Variants in PTPRM observed in about 807,000 individuals in gnomAD.
PTPRM encodes the protein receptor-type tyrosine-protein phosphatase mu.
PTPRM carries 47 observed loss-of-function variants against 186.7 expected under a neutral mutation model. That is an observed-to-expected ratio of 0.25 (90% CI 0.20 to 0.32). PTPRM has a LOEUF of 0.32. Ranked by LOEUF, PTPRM falls within the 10% of genes least tolerant of loss-of-function variation. The pLI is 1.00. For missense variants in PTPRM, 1,494 were observed against 1,865.0 expected, an observed-to-expected ratio of 0.80 and a Z score of 3.66; for synonymous variants, 668 against 674.9, an observed-to-expected ratio of 0.99 and a Z score of 0.16.
intron 1 of PTPRM, among the ~76,000 whole-genome samples, chr18:7,649,624 A>G (rs1209858542): frequency 4.6e-5 from 7 of 152,128 alleles, no homozygotes; most frequent in Admixed American, 4.6e-4. Flanking sequence ...CAGTGGAGAA[A>G]GTAACTACAG....
intron 11 of PTPRM, among the ~76,000 whole-genome samples, chr18:8,102,904 A>C (rs1392131022): frequency 2.0e-5 from 3 of 152,206 alleles, no homozygotes; most frequent in Non-Finnish European, 4.4e-5. Context: ...TCCTTGACCC[A>C]TGGGCTGCAA....
At chr18:8,042,014 T>A (rs1288833067) in intron 7 of PTPRM, among the ~76,000 whole-genome samples, 1 of 152,230 alleles carries the variant, frequency 6.6e-6, no homozygotes, top group Non-Finnish European at 1.5e-5. Flanking sequence ...ATAAAGTGAT[T>A]ACTGAATAGC....
chr18:7,800,666 CAT>C, intron 2 of PTPRM, among the ~76,000 whole-genome samples: 1 of 152,250 alleles, frequency 6.6e-6, no homozygotes, highest in East Asian at 1.9e-4. Flanking sequence ...GTCATATAGT[CAT>C]GTGTCTTTTA....
At chr18:7,736,489 C>CA (rs1176424533) in intron 1 of PTPRM, among the ~76,000 whole-genome samples, 1 of 152,048 alleles carries the variant, frequency 6.6e-6, no homozygotes. Context: ...CAAAACCTCT[C>CA]AGACACCGAG....
intron 7 of PTPRM, among the ~76,000 whole-genome samples, chr18:7,956,242 C>T (rs1178419093): frequency 2.0e-5 from 3 of 152,144 alleles, no homozygotes; most frequent in Non-Finnish European, 1.5e-5. Context: ...GTTAATTATT[C>T]AGATAGCATT....
At chr18:8,387,819 C>T (rs2095787656) in intron 31 of PTPRM, among the ~76,000 whole-genome samples, 1 of 152,166 alleles carries the variant, frequency 6.6e-6, no homozygotes, top group African/African-American at 2.4e-5. Flanking sequence ...CATTTGGTTA[C>T]AGCCAGTGTC....
chr18:7,972,867 C>G (rs796240615), intron 7 of PTPRM, among the ~76,000 whole-genome samples: 1 of 152,088 alleles, frequency 6.6e-6, no homozygotes, highest in Non-Finnish European at 1.5e-5. Flanking sequence ...TTCAACATCT[C>G]TATGTAAGCT....
intron 1 of PTPRM, among the ~76,000 whole-genome samples, chr18:7,754,267 T>C (rs1478599664): frequency 6.6e-6 from 1 of 152,242 alleles, no homozygotes; most frequent in African/African-American, 2.4e-5. Flanking sequence ...AGCATTCTGC[T>C]GGATCTTGTA....
chr18:7,907,660 A>G (rs1029882616), intron 4 of PTPRM, among the ~76,000 whole-genome samples: 1 of 152,202 alleles, frequency 6.6e-6, no homozygotes. Flanking sequence ...GTCACTAGGA[A>G]AGTGAGTTGT....
chr18:8,240,104 G>A (rs1481662593), intron 14 of PTPRM, among the ~76,000 whole-genome samples: 1 of 152,088 alleles, frequency 6.6e-6, no homozygotes, highest in Non-Finnish European at 1.5e-5. Context: ...CTTGAAAAAA[G>A]TAAGGTCTGA....
chr18:8,051,635 A>G (rs1455796723), intron 7 of PTPRM, among the ~76,000 whole-genome samples: 1 of 152,212 alleles, frequency 6.6e-6, no homozygotes, highest in Non-Finnish European at 1.5e-5. Flanking sequence ...TTAATTCAAT[A>G]TAATGTGTTT....
intron 29 of PTPRM, among the ~76,000 whole-genome samples, chr18:8,383,296 CAAAAAAAAAAAAAAAAAAAA>C (rs59442781): frequency 2.0e-4 from 6 of 30,432 alleles, no homozygotes; most frequent in African/African-American, 2.7e-4. Flanking sequence ...GCTTCTGCCT[CAAAAAAAAAAAAAAAAAAAA>C]AAAAAAAAAA....
chr18:8,059,101 C>A (rs1379147711), intron 7 of PTPRM, among the ~76,000 whole-genome samples: 1 of 150,556 alleles, frequency 6.6e-6, no homozygotes, highest in African/African-American at 2.5e-5. Flanking sequence ...GAATGTTCTT[C>A]CATTTGTTTG....
chr18:7,791,274 A>G (rs1358099558), intron 2 of PTPRM, among the ~76,000 whole-genome samples: 1 of 152,150 alleles, frequency 6.6e-6, no homozygotes, highest in African/African-American at 2.4e-5. Flanking sequence ...TCCAAAGAAA[A>G]GGAAACTCTT....
chr18:8,115,290 G>T (rs1476193189), intron 13 of PTPRM, among the ~76,000 whole-genome samples: 1 of 152,138 alleles, frequency 6.6e-6, no homozygotes, highest in Non-Finnish European at 1.5e-5. Context: ...GGTGGTGCGT[G>T]TCTCTCTGAA....
intron 2 of PTPRM, among the ~76,000 whole-genome samples, chr18:7,827,747 T>C (rs1253366047): frequency 1.3e-5 from 2 of 152,238 alleles, no homozygotes; most frequent in Non-Finnish European, 2.9e-5. Context: ...AGTGTTCTGA[T>C]TTCCCATGTG....
chr18:7,668,455 G>A lies in PTPRM; in HGVS notation c.73+100564G>A, dbSNP rs546307160. Among the ~76,000 whole-genome samples, 1 of 152,280 alleles carries A rather than the reference G, an allele frequency of 6.6e-6. No individual in the cohort carries two copies. Among genetic ancestry groups the A allele is most frequent in the African/African-American group, 2.4e-5 (1 of 41,556 alleles). ...CATTTTTGTTGGATATTCCCTGCTT[G>A]GCCCCTTGACTCCTAGAGAAGAATC... is the stretch of plus-strand genomic sequence containing the variant. On this transcript the variant is annotated intron_variant, in intron 1 of 32. Transcript: ENST00000580170. This position sits in a 1 kb window ranked among gnomAD's most constrained non-coding sequence, Gnocchi z 4.7.
intron 1 of PTPRM, among the ~76,000 whole-genome samples, chr18:7,699,714 G>C (rs1465377909): frequency 7.3e-6 from 1 of 137,860 alleles, no homozygotes; most frequent in African/African-American, 2.9e-5. Flanking sequence ...TTTTAATAGA[G>C]TCTAACTTAC....
intron 2 of PTPRM, among the ~76,000 whole-genome samples, chr18:7,876,030 A>C (rs2048223535): frequency 6.6e-6 from 1 of 152,168 alleles, no homozygotes; most frequent in Admixed American, 6.6e-5. Flanking sequence ...GCAAAGGTGC[A>C]GTAAAATTAG....
Sources: gnomAD v4.1 joint callset for allele counts (sites outside exome capture counted in the v4.1 genomes callset) on GRCh38, gnomAD v4.1.1 for gene constraint, Gnocchi (gnomAD v3.1) non-coding constraint, MANE v1.5 for transcripts, NCBI Gene and HGNC (gene_info 2026-07-23, HGNC 2026-07-21) for gene names.